TENM4: variants seen among roughly 807,000 people sequenced by gnomAD.
TENM4 encodes teneurin-4.
TENM4 carries 82 observed loss-of-function variants against 243.3 expected under a neutral mutation model. The observed-to-expected ratio is 0.34, with a 90% CI of 0.28 to 0.40. The LOEUF (loss-of-function observed/expected upper bound fraction) is 0.40. Ranked by LOEUF, TENM4 falls within the 10% of genes least tolerant of loss-of-function variation. The pLI is 1.00. For synonymous variants in TENM4, 1,412 were observed against 1,456.3 expected (o/e 0.97, Z 0.69); for missense variants, 3,138 against 3,673.3 (o/e 0.85, Z 3.77).
chr11:79,271,972 G>A (rs1255768807), intron 2 of TENM4, among the ~76,000 whole-genome samples: 1 of 152,176 alleles, frequency 6.6e-6, no homozygotes, highest in Non-Finnish European at 1.5e-5. Flanking sequence ...TGAGAACATA[G>A]ATGATCTCAT....
chr11:78,821,068 G>A (rs1220492389), intron 12 of TENM4, among the ~76,000 whole-genome samples: 1 of 152,238 alleles, frequency 6.6e-6, no homozygotes, highest in Non-Finnish European at 1.5e-5. Flanking sequence ...CAAAGCCCCT[G>A]ACAGACTGGG....
chr11:79,186,499 A>G (rs1160222883), intron 3 of TENM4, among the ~76,000 whole-genome samples: 3 of 152,240 alleles, frequency 2.0e-5, no homozygotes, highest in Non-Finnish European at 4.4e-5. Context: ...AGAAAGGTAA[A>G]TGACATGCAA....
At chr11:78,741,806 T>C (rs112571211) in intron 19 of TENM4, among the ~76,000 whole-genome samples, 3,501 of 152,312 alleles carry the variant, frequency 0.023, 127 homozygotes, top group African/African-American at 0.081. Context: ...AACTCCGCAG[T>C]GGAAGACTGC....
chr11:79,336,536 A>G (rs747158339), intron 1 of TENM4, among the ~76,000 whole-genome samples: 15 of 152,222 alleles, frequency 9.9e-5, no homozygotes, highest in Non-Finnish European at 1.6e-4. Flanking sequence ...ATAAGCTATT[A>G]CCACAATGCA....
chr11:79,147,300 T>C (rs1862412177), intron 4 of TENM4, among the ~76,000 whole-genome samples: 1 of 152,144 alleles, frequency 6.6e-6, no homozygotes, highest in South Asian at 2.1e-4. Flanking sequence ...CCAGTCTGTG[T>C]GTTTAAGGAC....
intron 15 of TENM4, among the ~76,000 whole-genome samples, chr11:78,790,392 C>T (rs1857028824): frequency 6.6e-6 from 1 of 152,222 alleles, no homozygotes; most frequent in African/African-American, 2.4e-5. Context: ...ATAATTCCCA[C>T]TTCACCAATT....
Position 78,662,900 on chromosome 11 carries a change from C to T in TENM4, c.7409-1309G>A, listed in dbSNP as rs990416319. 1.4e-5 allele frequency among the ~76,000 whole-genome samples: 2 copies of T among 140,444 alleles called. 1 individual carries two copies. Among genetic ancestry groups the T allele is most frequent in the African/African-American group, 4.9e-5 (2 of 41,118 alleles). The allele number at this position is 140,444 out of a possible 152,430, so 92.1% of individuals were successfully genotyped here. A position where few individuals can be genotyped will look rare whatever the true frequency, so the allele number is the denominator to read the frequency against. On this transcript the variant is annotated intron_variant, in intron 32 of 33. Coordinates refer to ENST00000278550, the MANE Select transcript of TENM4 (RefSeq NM_001098816.3). The stretch of plus-strand genomic sequence containing the variant: ...TGGCATTTAAGCCAGTTACTGAAAG[C>T]TGTGCCATTTTTCTCAGGCACTGGT...
intron 3 of TENM4, among the ~76,000 whole-genome samples, chr11:79,176,347 T>C (rs2135127888): frequency 6.6e-6 from 1 of 152,280 alleles, no homozygotes; most frequent in South Asian, 2.1e-4. Context: ...GGCCACTGAC[T>C]CCTTGCCAAG....
At chr11:79,427,532 A>G (rs1859078988) in intron 1 of TENM4, among the ~76,000 whole-genome samples, 1 of 152,202 alleles carries the variant, frequency 6.6e-6, no homozygotes, top group African/African-American at 2.4e-5. Flanking sequence ...GGGAGAGGGT[A>G]GTGGTGAGAA....
At chr11:79,046,867 T>C (rs1859672306) in intron 6 of TENM4, among the ~76,000 whole-genome samples, 1 of 152,202 alleles carries the variant, frequency 6.6e-6, no homozygotes, top group Non-Finnish European at 1.5e-5. Flanking sequence ...CCCTAGGAAA[T>C]GAATACAACA....
At chr11:79,239,927 G>GT in intron 2 of TENM4, among the ~76,000 whole-genome samples, 1 of 152,262 alleles carries the variant, frequency 6.6e-6, no homozygotes, top group South Asian at 2.1e-4. Flanking sequence ...CCTTCAAAAG[G>GT]TAAGAACAAC....
intron 3 of TENM4, among the ~76,000 whole-genome samples, chr11:79,178,255 T>A (rs1863208176): frequency 6.6e-6 from 1 of 152,118 alleles, no homozygotes; most frequent in Non-Finnish European, 1.5e-5. Flanking sequence ...GCTTTGTGCA[T>A]GTTAGGTTTG....
At position 78,854,208 on chromosome 11, in the gene TENM4, T is replaced by C. The variant is rs1030446769; in HGVS notation, c.1577A>G (p.His526Arg). The C allele has an allele frequency of 1.3e-6, 2 of 1,551,534 alleles. No individual in the cohort carries two copies. Among genetic ancestry groups the C allele is most frequent in the Non-Finnish European group, 1.7e-6 (2 of 1,146,960 alleles). ...QSRGTVPPSS[H>R]ETGFIQYLDS... ...CAAATACTGGATGAAGCCTGTCTCA[T>C]GGCTGGAGGGGGGCACAGTTCCCCG... The change falls in exon 12 of 34, where the codon CAT becomes CGT. Residue 526 changes from histidine to arginine, a missense_variant. His to Arg is a conservative substitution (Grantham distance 29). Transcript: ENST00000278550.
At chr11:78,886,491 G>T (rs1198428992) in intron 9 of TENM4, among the ~76,000 whole-genome samples, 1 of 152,256 alleles carries the variant, frequency 6.6e-6, no homozygotes, top group Non-Finnish European at 1.5e-5. Flanking sequence ...GGGATGGCCT[G>T]CACACCTGCA....
intron 19 of TENM4, among the ~76,000 whole-genome samples, chr11:78,745,788 C>T (rs937470179): frequency 6.6e-6 from 1 of 152,132 alleles, no homozygotes; most frequent in Non-Finnish European, 1.5e-5. Flanking sequence ...GTGTATGTGA[C>T]TTTTTTGTAT....
At chr11:79,105,306 T>C (rs1023915925) in intron 4 of TENM4, among the ~76,000 whole-genome samples, 1 of 152,226 alleles carries the variant, frequency 6.6e-6, no homozygotes, top group African/African-American at 2.4e-5. Context: ...CCATCACCTG[T>C]GTGCTCAAGC....
intron 12 of TENM4, among the ~76,000 whole-genome samples, chr11:78,822,511 C>T (rs527895742): frequency 2.6e-5 from 4 of 152,136 alleles, no homozygotes; most frequent in Admixed American, 1.3e-4. Flanking sequence ...AGAAAAGAAT[C>T]GTCATGTTCC....
At chr11:79,169,309 C>T (rs1434146523) in intron 3 of TENM4, among the ~76,000 whole-genome samples, 1 of 152,200 alleles carries the variant, frequency 6.6e-6, no homozygotes, top group African/African-American at 2.4e-5. Context: ...TAAGCCCAGA[C>T]TTGTGGCCTC....
chr11:78,909,820 G>A (rs540911409), intron 6 of TENM4, among the ~76,000 whole-genome samples: 5 of 152,352 alleles, frequency 3.3e-5, no homozygotes, highest in East Asian at 1.9e-4. Flanking sequence ...CAGTGGCTGC[G>A]GGTGAGGTAG....
Sources: gnomAD v4.1 joint callset for allele counts (sites outside exome capture counted in the v4.1 genomes callset) on GRCh38, gnomAD v4.1.1 for gene constraint, MANE v1.5 for transcripts, NCBI Gene and HGNC (gene_info 2026-07-23, HGNC 2026-07-21) for gene names.